Variants in WDR27 observed in about 807,000 individuals in gnomAD.
The protein encoded by WDR27 is WD repeat-containing protein 27.
In WDR27, 100 loss-of-function variants were observed where a neutral mutation model predicts 114.4. That is an observed-to-expected ratio of 0.87 (90% confidence interval 0.74 to 1.03). WDR27 has a LOEUF of 1.03. Among genes scored for constraint, WDR27 ranks in the 50% least tolerant of loss-of-function variants. The probability of loss-of-function intolerance (pLI) is 0.00; values close to 1 mark genes in which losing one functional copy is unlikely to be tolerated. For synonymous variants in WDR27, 449 were observed against 423.1 expected, an observed-to-expected ratio of 1.06 and a Z score of -0.75; for missense variants, 1,129 against 1,092.9, an observed-to-expected ratio of 1.03 and a Z score of -0.47.
chr6:169,509,601 C>T (rs1376714689), intron 25 of WDR27, among the ~76,000 whole-genome samples: 1 of 151,538 alleles, frequency 6.6e-6, no homozygotes, highest in Non-Finnish European at 1.5e-5. Context: ...AACTGGATCC[C>T]TTCCTTACAC....
At chr6:169,642,135 A>G (rs897046589) in intron 17 of WDR27, among the ~76,000 whole-genome samples, 14 of 152,144 alleles carry the variant, frequency 9.2e-5, no homozygotes, top group African/African-American at 3.4e-4. Flanking sequence ...ATTTATACTT[A>G]TTTGTCACAG....
intron 25 of WDR27, among the ~76,000 whole-genome samples, chr6:169,533,755 C>T (rs1469406320): frequency 2.0e-5 from 3 of 152,168 alleles, no homozygotes; most frequent in South Asian, 2.1e-4. Context: ...CCAAAACTCT[C>T]AAGGAAGGTG....
At chr6:169,611,401 G>A (rs1810496454) in intron 22 of WDR27, among the ~76,000 whole-genome samples, 2 of 149,110 alleles carry the variant, frequency 1.3e-5, no homozygotes, top group African/African-American at 2.5e-5. Flanking sequence ...TGCCTCCTGA[G>A]TTCAAGTGAT....
At chr6:169,459,814 CA>C (rs908988727) in intron 25 of WDR27, among the ~76,000 whole-genome samples, 3 of 152,048 alleles carry the variant, frequency 2.0e-5, no homozygotes, top group East Asian at 3.9e-4. Context: ...AAAACTCAAA[CA>C]AAAAAACCCC....
intron 25 of WDR27, among the ~76,000 whole-genome samples, chr6:169,546,629 C>G (rs1224399971): frequency 6.6e-6 from 1 of 152,130 alleles, no homozygotes; most frequent in Non-Finnish European, 1.5e-5. Flanking sequence ...AAATAGGGCA[C>G]AAATCCCTTC....
intron 25 of WDR27, among the ~76,000 whole-genome samples, chr6:169,486,625 G>A (rs975820509): frequency 2.6e-5 from 4 of 152,236 alleles, no homozygotes; most frequent in African/African-American, 9.6e-5. Flanking sequence ...CTGAGTAGCT[G>A]GGATTATGGG....
intron 25 of WDR27, among the ~76,000 whole-genome samples, chr6:169,469,398 G>A (rs966134794): frequency 5.3e-5 from 8 of 152,316 alleles, no homozygotes; most frequent in Admixed American, 3.9e-4. Context: ...CCAAAGCCTA[G>A]CAAGGCAAAC....
intron 23 of WDR27, among the ~76,000 whole-genome samples, chr6:169,586,870 A>AAAAAAAAAAAAAAAG (rs1804731090): frequency 6.7e-6 from 1 of 149,342 alleles, no homozygotes; most frequent in Non-Finnish European, 1.5e-5. Flanking sequence ...AAAAAAAAAA[A>AAAAAAAAAAAAAAAG]AAAAGGCAGT....
chr6:169,639,285 G>C (rs147940385), intron 17 of WDR27, among the ~76,000 whole-genome samples: 2 of 152,106 alleles, frequency 1.3e-5, no homozygotes, highest in African/African-American at 4.8e-5. Context: ...TGAACGCCTC[G>C]GCCCGGCAGT....
At chr6:169,492,843 T>C (rs554127718) in intron 25 of WDR27, among the ~76,000 whole-genome samples, 2 of 152,202 alleles carry the variant, frequency 1.3e-5, no homozygotes, top group East Asian at 3.9e-4. Flanking sequence ...CATAAGCCAC[T>C]TAAGAACTTT....
intron 25 of WDR27, among the ~76,000 whole-genome samples, chr6:169,467,456 T>A (rs112608175): frequency 6.6e-6 from 1 of 152,192 alleles, no homozygotes; most frequent in Non-Finnish European, 1.5e-5. Flanking sequence ...CATACATCCT[T>A]GAAATAAAGG....
rs375026605 is a variant in WDR27 at position 169,613,717 on chromosome 6, C to G, written c.2224-61G>C. ...AAAGGTTGAGTTAATAAGCGTTATG[C>G]TAATGATATCTCATAATAGCTGATT... is the stretch of plus-strand genomic sequence containing the variant. On this transcript the variant is annotated intron_variant, in intron 21 of 25. Coordinates refer to ENST00000448612, the MANE Select transcript of WDR27 (RefSeq NM_182552.5). The G allele has an allele frequency of 1.2e-4, 161 of 1,372,616 alleles. No individual in the cohort carries two copies. In the South Asian group the frequency reaches 1.4e-3, roughly 12 times the overall value. 85.0% of individuals were successfully genotyped at this position (1,372,616 alleles called of 1,614,324 possible).
In WDR27 at chr6:169,634,582, C is replaced by T. The variant is rs542431023; in HGVS notation, c.2004-57G>A. On this transcript the variant is annotated intron_variant, in intron 19 of 25. Transcript: ENST00000448612. The stretch of plus-strand genomic sequence containing the variant: ...TTGCTTTCCTTCTGCTACAACTAAA[C>T]ACCTTATCTTTAAAAACATTAAACA... 24 of 1,074,390 alleles carry T rather than the reference C, an allele frequency of 2.2e-5. No homozygotes were observed. The African/African-American group carries it at 2.9e-4, about 13-fold the overall frequency. 66.6% of individuals were successfully genotyped at this position (1,074,390 alleles called of 1,614,324 possible).
intron 25 of WDR27, among the ~76,000 whole-genome samples, chr6:169,520,775 T>G (rs1461207132): frequency 6.6e-6 from 1 of 151,680 alleles, no homozygotes; most frequent in Non-Finnish European, 1.5e-5. Context: ...AACAGTAGAA[T>G]GGATCAAGCA....
At chr6:169,664,473 C>T (rs1426212159) in intron 7 of WDR27, 187 bp from the exon 8 acceptor site, 9 of 1,441,302 alleles carry the variant, frequency 6.2e-6, no homozygotes, top group South Asian at 1.4e-5. Context: ...GTACGGCCCA[C>T]GGTGTCAGAG....
At chr6:169,482,609 A>G (rs1788332936) in intron 25 of WDR27, among the ~76,000 whole-genome samples, 1 of 152,200 alleles carries the variant, frequency 6.6e-6, no homozygotes, top group South Asian at 2.1e-4. Context: ...CCCCACTGAC[A>G]GTATTAGACA....
rs1821167339 is a variant in WDR27 at position 169,647,790 on chromosome 6, C to G, written c.1640G>C (p.Cys547Ser). 1.3e-6 allele frequency: 2 copies of G among 1,583,180 alleles called. No individual in the cohort carries two copies. ...VAAAPTCTRV[C>S]CIQYSGDGQW... ...TGGCGCACCTGAGTACTGGATGCAG[C>G]ATACACGTGTGCAGGTGGGGGCGGC... Residue 547 changes from cysteine (C) to serine (S), a missense_variant, in exon 16 of 26, where the codon TGC becomes TCC. Transcript: ENST00000448612.
At chr6:169,555,909 A>G (rs1798806681) in intron 25 of WDR27, among the ~76,000 whole-genome samples, 2 of 152,150 alleles carry the variant, frequency 1.3e-5, no homozygotes, top group African/African-American at 4.8e-5. Flanking sequence ...TGCTGGAGCA[A>G]ACCGATACTC....
intron 25 of WDR27, among the ~76,000 whole-genome samples, chr6:169,521,677 G>C (rs1255957188): frequency 6.6e-6 from 1 of 151,996 alleles, no homozygotes; most frequent in African/African-American, 2.4e-5. Flanking sequence ...TTAAAATGTA[G>C]AGTATTTTTT....
Sources: allele counts gnomAD v4.1 joint callset (sites outside exome capture counted in the v4.1 genomes callset), GRCh38; gene constraint gnomAD v4.1.1; transcripts MANE v1.5; gene names NCBI Gene and HGNC (gene_info 2026-07-23, HGNC 2026-07-21).